The following ARHGAP26 variants were observed in gnomAD, a reference collection of about 807,000 sequenced individuals.
ARHGAP26 encodes the protein rho GTPase-activating protein 26.
In ARHGAP26, 38 loss-of-function variants were observed where a neutral mutation model predicts 104.8. The observed-to-expected ratio is 0.36, with a 90% CI of 0.28 to 0.48. The LOEUF (loss-of-function observed/expected upper bound fraction) is 0.48. Among genes scored for constraint, ARHGAP26 ranks in the 20% least tolerant of loss-of-function variants. The probability of loss-of-function intolerance (pLI) is 0.99; values close to 1 mark genes in which losing one functional copy is unlikely to be tolerated. For synonymous variants in ARHGAP26, 341 were observed against 340.0 expected (o/e 1.00, Z -0.03); for missense variants, 704 against 947.9 (o/e 0.74, Z 3.38).
rs117110005 is a variant in ARHGAP26, at chr5:142,815,775, C to A, written c.154+44860C>A. Among the ~76,000 whole-genome samples, 1,023 of 152,172 alleles carry A rather than the reference C, an allele frequency of 6.7e-3. 18 individuals carry two copies. The highest frequency in any genetic ancestry group is 0.063 in the East Asian group (328 of 5,172). On this transcript the variant is annotated intron_variant, in intron 1 of 22. Coordinates refer to ENST00000645722, the MANE Select transcript of ARHGAP26 (RefSeq NM_001135608.3). ...CTTTCCCCGGCTAGCCTTCCTGGTC[C>A]ATCTGTGCTACTGCTGCTCTTTTCT... is the stretch of plus-strand genomic sequence containing the variant.
intron 21 of ARHGAP26, among the ~76,000 whole-genome samples, chr5:143,210,892 C>T (rs1809354055): frequency 7.9e-6 from 1 of 127,146 alleles, no homozygotes; most frequent in Non-Finnish European, 1.8e-5. Flanking sequence ...GTCTGAAGGG[C>T]ACTGTTGACA....
chr5:142,879,536 C>G (rs899304696), intron 4 of ARHGAP26, 91 bp downstream of exon 4: 1 of 1,238,902 alleles, frequency 8.1e-7, no homozygotes, highest in Admixed American at 2.5e-5. Context: ...TCAGAAATGT[C>G]TTCAGAAAAT....
chr5:142,873,547 T>C, intron 2 of ARHGAP26, 52 bp downstream of exon 2: 1 of 1,284,868 alleles, frequency 7.8e-7, no homozygotes, highest in Non-Finnish European at 1.1e-6. Flanking sequence ...GTCATAGCCT[T>C]CAGTGTCCCA....
At chr5:142,899,779 A>G (rs1352430347) in intron 6 of ARHGAP26, among the ~76,000 whole-genome samples, 1 of 152,148 alleles carries the variant, frequency 6.6e-6, no homozygotes, top group Non-Finnish European at 1.5e-5. Context: ...AAAAATAGCA[A>G]TATGTTAAGG....
At chr5:143,045,441 G>A (rs1258187291) in intron 14 of ARHGAP26, among the ~76,000 whole-genome samples, 1 of 152,132 alleles carries the variant, frequency 6.6e-6, no homozygotes, top group Non-Finnish European at 1.5e-5. Context: ...CTTTGAAGGG[G>A]GAGCTTCATC....
At chr5:143,017,272 G>A (rs1442871746) in intron 12 of ARHGAP26, among the ~76,000 whole-genome samples, 1 of 152,226 alleles carries the variant, frequency 6.6e-6, no homozygotes, top group East Asian at 1.9e-4. Context: ...TTCTCTCAGG[G>A]CATACGGTGC....
At chr5:143,143,380 G>A (rs3776280) in intron 19 of ARHGAP26, among the ~76,000 whole-genome samples, 2 of 152,322 alleles carry the variant, frequency 1.3e-5, no homozygotes, top group East Asian at 3.9e-4. Context: ...AATATGGAAA[G>A]TGAAGTCGCT....
intron 18 of ARHGAP26, among the ~76,000 whole-genome samples, chr5:143,129,181 T>C (rs897485129): frequency 2.6e-5 from 4 of 152,340 alleles, no homozygotes; most frequent in Middle Eastern, 3.4e-3. Flanking sequence ...ACAGTTAAGA[T>C]CAATGTTTTG....
chr5:142,943,050 G>C (rs1183305355), intron 11 of ARHGAP26, among the ~76,000 whole-genome samples: 1 of 152,178 alleles, frequency 6.6e-6, no homozygotes, highest in Non-Finnish European at 1.5e-5. Flanking sequence ...CAAAGTTCTG[G>C]GATTACAGGC....
At chr5:142,882,126 G>A (rs1757084679) in intron 4 of ARHGAP26, among the ~76,000 whole-genome samples, 1 of 152,200 alleles carries the variant, frequency 6.6e-6, no homozygotes, top group Non-Finnish European at 1.5e-5. Context: ...AGAGAGTAGC[G>A]TAGAGAGTGG....
intron 17 of ARHGAP26, among the ~76,000 whole-genome samples, chr5:143,111,965 C>T (rs1447940456): frequency 6.6e-6 from 1 of 151,224 alleles, no homozygotes; most frequent in Non-Finnish European, 1.5e-5. Context: ...CCTTGACACA[C>T]TTAGAAGAAG....
chr5:142,990,419 GA>G (rs1775415981), intron 11 of ARHGAP26, among the ~76,000 whole-genome samples: 1 of 152,174 alleles, frequency 6.6e-6, no homozygotes, highest in South Asian at 2.1e-4. Flanking sequence ...TTAACTCAGA[GA>G]AGTTTATTCT....
intron 17 of ARHGAP26, among the ~76,000 whole-genome samples, chr5:143,076,567 C>G (rs1009033493): frequency 6.6e-6 from 1 of 152,184 alleles, no homozygotes; most frequent in Non-Finnish European, 1.5e-5. Context: ...CAAATGTTAA[C>G]ATTGGCATCC....
intron 9 of ARHGAP26, among the ~76,000 whole-genome samples, chr5:142,908,365 G>C (rs1387733660): frequency 6.6e-6 from 1 of 152,212 alleles, no homozygotes; most frequent in East Asian, 1.9e-4. Context: ...GCTAGAACAA[G>C]GAGGGTCTGA....
intron 6 of ARHGAP26, among the ~76,000 whole-genome samples, chr5:142,901,474 C>T (rs1760321010): frequency 6.6e-6 from 1 of 152,228 alleles, no homozygotes; most frequent in African/African-American, 2.4e-5. Context: ...CACCCCACTT[C>T]CTTTTCTGCC....
At chr5:142,976,058 T>G (rs1425246240) in intron 11 of ARHGAP26, among the ~76,000 whole-genome samples, 1 of 152,192 alleles carries the variant, frequency 6.6e-6, no homozygotes, top group Non-Finnish European at 1.5e-5. Flanking sequence ...GCTTAAGGGC[T>G]TTTCACGAGA....
chr5:142,860,148 C>G (rs116067848), intron 1 of ARHGAP26: 2 of 152,308 alleles, frequency 1.3e-5, no homozygotes, highest in Non-Finnish European at 2.9e-5. Flanking sequence ...GCTCCACTGT[C>G]GCACTGGATC....
At chr5:142,820,567 C>T (rs190479192) in intron 1 of ARHGAP26, among the ~76,000 whole-genome samples, 11 of 152,274 alleles carry the variant, frequency 7.2e-5, no homozygotes, top group East Asian at 5.8e-4. Context: ...TGTTTGTGAG[C>T]GGCTACGATG....
chr5:143,087,723 G>A (rs977950982), intron 17 of ARHGAP26, among the ~76,000 whole-genome samples: 1 of 129,460 alleles, frequency 7.7e-6, no homozygotes, highest in Non-Finnish European at 1.6e-5. Flanking sequence ...TCGGCTCACC[G>A]TCCACAACCT....
Sources: allele counts gnomAD v4.1 joint callset (sites outside exome capture counted in the v4.1 genomes callset), GRCh38; gene constraint gnomAD v4.1.1; transcripts MANE v1.5; gene names NCBI Gene and HGNC (gene_info 2026-07-23, HGNC 2026-07-21).